The following DENND5B variants were observed in gnomAD, a reference collection of about 807,000 sequenced individuals.
DENND5B encodes DENN domain-containing protein 5B.
Under a neutral mutation model 140.6 loss-of-function variants are expected in DENND5B, and 34 were observed. The ratio of observed to expected loss-of-function variants is 0.24; its 90% CI spans 0.18 to 0.32. The LOEUF (loss-of-function observed/expected upper bound fraction) is 0.32, where lower values mean the gene tolerates loss of function less well. Among genes scored for constraint, DENND5B ranks in the 10% least tolerant of loss-of-function variants. The pLI, the probability that DENND5B is intolerant of heterozygous loss-of-function variation, is 1.00. For missense variants in DENND5B, 1,142 were observed against 1,560.2 expected, an observed-to-expected ratio of 0.73 and a Z score of 4.52; for synonymous variants, 551 against 562.1, an observed-to-expected ratio of 0.98 and a Z score of 0.28.
At chr12:31,579,121 G>C (rs1023503652) in intron 1 of DENND5B, among the ~76,000 whole-genome samples, 23 of 152,078 alleles carry the variant, frequency 1.5e-4, no homozygotes, top group Admixed American at 3.3e-4. Context: ...GTTTCTAACA[G>C]AAAAATAAAA....
chr12:31,442,181 G>GA lies in DENND5B; in HGVS notation c.2012+593dup, dbSNP rs539390242. On this transcript the variant is annotated intron_variant, in intron 7 of 20. Transcript: ENST00000389082. Reference sequence around the variant, plus strand: ...TCTTAACAGAACCCAGTTTAAGGCAGAGGTGAGACATCTGAAGGCTCTTTC... The same window carrying GA: ...TCTTAACAGAACCCAGTTTAAGGCAGAAGGTGAGACATCTGAAGGCTCTTTC... Among the ~76,000 whole-genome samples, 502 of 152,238 alleles carry GA rather than the reference G, an allele frequency of 3.3e-3. 5 individuals are homozygous for GA. Among genetic ancestry groups the GA allele is most frequent in the African/African-American group, 0.011 (470 of 41,564 alleles).
chr12:31,505,724 A>G (rs984039568), intron 1 of DENND5B, among the ~76,000 whole-genome samples: 1 of 152,206 alleles, frequency 6.6e-6, no homozygotes, highest in East Asian at 1.9e-4. Flanking sequence ...GGAATCAAAC[A>G]AAAGAATCTT....
chr12:31,557,907 C>T (rs370588941), intron 1 of DENND5B, among the ~76,000 whole-genome samples: 4 of 151,048 alleles, frequency 2.6e-5, no homozygotes, highest in African/African-American at 9.7e-5. Context: ...TGAAGTCTCC[C>T]AACCCTTCAG....
At chr12:31,510,143 T>C (rs992559424) in intron 1 of DENND5B, among the ~76,000 whole-genome samples, 13 of 152,220 alleles carry the variant, frequency 8.5e-5, no homozygotes, top group African/African-American at 2.9e-4. Flanking sequence ...CAAGTTATTA[T>C]GATAAATTTA....
chr12:31,492,682 CTCT>C (rs1297734896), intron 2 of DENND5B, among the ~76,000 whole-genome samples: 1 of 152,240 alleles, frequency 6.6e-6, no homozygotes, highest in Non-Finnish European at 1.5e-5. Context: ...GATTTAAACA[CTCT>C]TTTCCTAAAT....
intron 1 of DENND5B, among the ~76,000 whole-genome samples, chr12:31,578,343 T>C (rs1234918336): frequency 6.6e-6 from 1 of 152,134 alleles, no homozygotes; most frequent in Non-Finnish European, 1.5e-5. Flanking sequence ...CCCATGGGTG[T>C]CCTCAGATAA....
At chr12:31,399,597 T>C (rs1331487987) in intron 16 of DENND5B, 57 bp downstream of exon 16, 2 of 1,418,354 alleles carry the variant, frequency 1.4e-6, no homozygotes, top group African/African-American at 1.4e-5. Context: ...TTAAACCTTT[T>C]CTTACCTGAA....
At chr12:31,403,380 C>CT (rs67913140) in intron 14 of DENND5B, among the ~76,000 whole-genome samples, 1 of 131,980 alleles carries the variant, frequency 7.6e-6, no homozygotes, top group Non-Finnish European at 1.8e-5. Flanking sequence ...GTCCTCCCTT[C>CT]TTTTTTTTTC....
chr12:31,421,303 C>T (rs1763674519), intron 11 of DENND5B, among the ~76,000 whole-genome samples: 1 of 152,076 alleles, frequency 6.6e-6, no homozygotes, highest in Admixed American at 6.6e-5. Flanking sequence ...CCTAGGCCTC[C>T]CAAAGTGCTA....
chr12:31,452,678 C>A (rs940857513), intron 4 of DENND5B, among the ~76,000 whole-genome samples: 6 of 152,030 alleles, frequency 3.9e-5, no homozygotes, highest in Non-Finnish European at 7.4e-5. Flanking sequence ...AAAAAAAATT[C>A]TTGCCAACTA....
At position 31,396,683 on chromosome 12, in the gene DENND5B, G is replaced by A. The variant is rs1941491270; in HGVS notation, c.3256+1492C>T. The stretch of plus-strand genomic sequence containing the variant: ...CTCAAGCTGGAATACAGTGGCATGA[G>A]CTCGGCTCACTGCAACCTCACCTCT... On this transcript the variant is annotated intron_variant, in intron 17 of 20. Coordinates refer to ENST00000389082, the MANE Select transcript of DENND5B (RefSeq NM_144973.4). 2.0e-5 allele frequency among the ~76,000 whole-genome samples: 3 copies of A among 152,020 alleles called. No homozygotes were observed. The South Asian group carries it at 6.2e-4, about 31-fold the overall frequency.
intron 11 of DENND5B, among the ~76,000 whole-genome samples, chr12:31,420,251 C>T (rs1157373160): frequency 1.3e-5 from 2 of 152,024 alleles, no homozygotes; most frequent in East Asian, 3.9e-4. Context: ...ACCTCAGCCT[C>T]CCAAGCATCT....
intron 1 of DENND5B, chr12:31,534,655 T>A: frequency 4.5e-6 from 1 of 222,066 alleles, no homozygotes; most frequent in Non-Finnish European, 9.4e-6. Context: ...ATGGGAATAT[T>A]TTATATCTTG....
intron 11 of DENND5B, among the ~76,000 whole-genome samples, chr12:31,422,348 T>C (rs1290758431): frequency 1.3e-5 from 2 of 151,130 alleles, no homozygotes; most frequent in Non-Finnish European, 1.5e-5. Flanking sequence ...GAGAATGGCA[T>C]GAACCCGGGA....
rs765659567 is a variant in DENND5B at position 31,399,816 on chromosome 12, C to T, written c.2950-44G>A. 2.5e-5 allele frequency: 36 copies of T among 1,465,730 alleles called. No homozygotes were observed. In the Admixed American group the frequency reaches 2.7e-4, roughly 11 times the overall value. The allele number at this position is 1,465,730 out of a possible 1,614,324, so 90.8% of individuals were successfully genotyped here. A position where few individuals can be genotyped will look rare whatever the true frequency, so the allele number is the denominator to read the frequency against. On this transcript the variant is annotated intron_variant, in intron 15 of 20. Coordinates refer to ENST00000389082, the MANE Select transcript of DENND5B (RefSeq NM_144973.4). ...AGGTTATTTAGTACCCAATCCCATC[C>T]TGTTACATCTCAGCTTTACAGGTAC...
intron 1 of DENND5B, among the ~76,000 whole-genome samples, chr12:31,521,462 A>G (rs1179321757): frequency 6.6e-6 from 1 of 152,124 alleles, no homozygotes; most frequent in Admixed American, 6.5e-5. Flanking sequence ...TATTCTACCA[A>G]TACTTATTTT....
In DENND5B at chr12:31,560,707, C is replaced by G. The variant is rs114209479; in HGVS notation, c.127+29999G>C. On this transcript the variant is annotated intron_variant, in intron 1 of 20. Coordinates refer to ENST00000389082, the MANE Select transcript of DENND5B (RefSeq NM_144973.4). ...AACATAAGGCCCTTCATGATGGGGC[C>G]TCCTGTGGCTTCCCCTTCTATTATT... Among the ~76,000 whole-genome samples, 1,269 of 152,276 alleles carry G rather than the reference C, an allele frequency of 8.3e-3. 11 individuals are homozygous for G. The highest frequency in any genetic ancestry group is 0.028 in the African/African-American group (1,160 of 41,536).
intron 1 of DENND5B, among the ~76,000 whole-genome samples, chr12:31,532,665 A>G (rs894819258): frequency 2.0e-5 from 3 of 152,180 alleles, no homozygotes; most frequent in Admixed American, 6.6e-5. Context: ...ATGGTACCTG[A>G]TAAGTTATTG....
intron 20 of DENND5B, among the ~76,000 whole-genome samples, chr12:31,388,777 T>C (rs1416715545): frequency 4.6e-5 from 7 of 152,246 alleles, no homozygotes; most frequent in Non-Finnish European, 1.0e-4. Context: ...GAGAAGATGA[T>C]ATTTATATAG....
Sources: gnomAD v4.1 joint callset for allele counts (sites outside exome capture counted in the v4.1 genomes callset) on GRCh38, gnomAD v4.1.1 for gene constraint, MANE v1.5 for transcripts, NCBI Gene and HGNC (gene_info 2026-07-23, HGNC 2026-07-21) for gene names.